The following VPS13B variants were observed in gnomAD, a reference collection of about 807,000 sequenced individuals.
VPS13B encodes the protein intermembrane lipid transfer protein VPS13B.
In VPS13B, 285 loss-of-function variants were observed where a neutral mutation model predicts 426.4. The ratio of observed to expected loss-of-function variants is 0.67; its 90% CI spans 0.61 to 0.74. The LOEUF is 0.74. Among genes scored for constraint, VPS13B ranks in the 30% least tolerant of loss-of-function variants. The probability of loss-of-function intolerance (pLI) is 0.00; values close to 1 mark genes in which losing one functional copy is unlikely to be tolerated. For synonymous variants in VPS13B, 1,676 were observed against 1,676.4 expected, an observed-to-expected ratio of 1.00 and a Z score of 0.01; for missense variants, 4,537 against 4,782.6, an observed-to-expected ratio of 0.95 and a Z score of 1.51.
chr8:99,648,605 T>A (rs1208943514), intron 34 of VPS13B, among the ~76,000 whole-genome samples: 1 of 152,188 alleles, frequency 6.6e-6, no homozygotes, highest in Admixed American at 6.5e-5. Flanking sequence ...TATTTAGAGG[T>A]AATATTTCAT....
intron 23 of VPS13B, among the ~76,000 whole-genome samples, chr8:99,443,837 G>C (rs1817788885): frequency 6.6e-6 from 1 of 152,080 alleles, no homozygotes. Context: ...ATATGCTGAG[G>C]AGTAAAATTG....
intron 3 of VPS13B, among the ~76,000 whole-genome samples, chr8:99,066,512 TA>T (rs1196718941): frequency 6.6e-6 from 1 of 152,184 alleles, no homozygotes; most frequent in Non-Finnish European, 1.5e-5. Flanking sequence ...CAAGATGGAT[TA>T]AAGACTTTAA....
chr8:99,019,535 A>G (rs1448997293), intron 2 of VPS13B, among the ~76,000 whole-genome samples: 2 of 152,128 alleles, frequency 1.3e-5, no homozygotes, highest in Admixed American at 1.3e-4. Flanking sequence ...ATTCTGTGGT[A>G]TTACGTATGT....
chr8:99,249,315 C>T (rs551628167), intron 17 of VPS13B, among the ~76,000 whole-genome samples: 22 of 151,876 alleles, frequency 1.4e-4, no homozygotes, highest in Admixed American at 2.6e-4. Context: ...TTGGCTATTA[C>T]GATAAAGCTG....
At chr8:99,059,007 C>T (rs1173761740) in intron 3 of VPS13B, among the ~76,000 whole-genome samples, 3 of 152,212 alleles carry the variant, frequency 2.0e-5, no homozygotes, top group South Asian at 2.1e-4. Flanking sequence ...CATTTTAGTA[C>T]TTATTTCCTT....
chr8:99,698,031 G>T, intron 35 of VPS13B: 1 of 363,208 alleles, frequency 2.8e-6, no homozygotes. Flanking sequence ...TGCTGGCCTA[G>T]CCACCTGTCC....
At chr8:99,083,726 TG>T (rs1289739229) in intron 3 of VPS13B, among the ~76,000 whole-genome samples, 3 of 129,662 alleles carry the variant, frequency 2.3e-5, no homozygotes, top group Non-Finnish European at 4.8e-5. Context: ...ATATGGTTTT[TG>T]TCGTTGGTTC....
At chr8:99,649,587 C>T (rs1829722281) in intron 34 of VPS13B, among the ~76,000 whole-genome samples, 1 of 151,500 alleles carries the variant, frequency 6.6e-6, no homozygotes, top group African/African-American at 2.4e-5. Flanking sequence ...GTCTTAAATG[C>T]CTGTGTCACT....
Position 99,812,891 on chromosome 8 carries a change from A to G in VPS13B, c.8097+3361A>G, listed in dbSNP as rs147340352. Among the ~76,000 whole-genome samples the G allele has an allele frequency of 5.9e-5, 9 of 152,322 alleles. No individual in the cohort carries two copies. The East Asian group carries it at 9.6e-4, about 16-fold the overall frequency. The stretch of plus-strand genomic sequence containing the variant: ...GTTCTGAAACCTGCTAAGTAAAATC[A>G]TATGTGGAAATCTTCAATACACATC... On this transcript the variant is annotated intron_variant, in intron 44 of 61. Transcript: ENST00000357162.
At chr8:99,198,076 A>G (rs1249533406) in intron 17 of VPS13B, among the ~76,000 whole-genome samples, 1 of 152,128 alleles carries the variant, frequency 6.6e-6, no homozygotes, top group East Asian at 1.9e-4. Flanking sequence ...TTTTATCTTC[A>G]AAAAACGTTT....
At chr8:99,740,724 A>C (rs993280792) in intron 39 of VPS13B, among the ~76,000 whole-genome samples, 4 of 152,192 alleles carry the variant, frequency 2.6e-5, no homozygotes, top group African/African-American at 9.7e-5. Flanking sequence ...AGCCAAACTA[A>C]GCTTCATAAG....
intron 39 of VPS13B, among the ~76,000 whole-genome samples, chr8:99,744,470 G>A (rs1323015940): frequency 1.3e-5 from 2 of 152,136 alleles, no homozygotes; most frequent in African/African-American, 4.8e-5. Context: ...CCGTTACTGG[G>A]TATATACCCA....
At chr8:99,562,680 T>G (rs1824992062) in intron 31 of VPS13B, among the ~76,000 whole-genome samples, 1 of 152,216 alleles carries the variant, frequency 6.6e-6, no homozygotes, top group South Asian at 2.1e-4. Context: ...ATATATGATT[T>G]AGAAATTTTT....
intron 17 of VPS13B, among the ~76,000 whole-genome samples, chr8:99,201,077 A>C (rs953766901): frequency 5.3e-5 from 8 of 151,708 alleles, no homozygotes; most frequent in Non-Finnish European, 1.0e-4. Context: ...ATTTTCTATG[A>C]CACTATAATT....
chr8:99,870,884 T>G lies in VPS13B; in HGVS notation c.11492T>G (p.Val3831Gly). The G allele has an allele frequency of 4.3e-6, 7 of 1,613,916 alleles. No individual in the cohort carries two copies. Among genetic ancestry groups the G allele is most frequent in the Non-Finnish European group, 5.9e-6 (7 of 1,179,806 alleles). The change falls in exon 60 of 62, where the codon GTC (valine) becomes GGC (glycine). Residue 3831 changes from valine to glycine, a missense_variant. By Grantham distance (109) the Val-to-Gly change is moderately radical (BLOSUM62 -3). Transcript: ENST00000357162. Reference sequence around the variant, plus strand: ...GCTCCAAACAGCCATGTCAAATATGTCTGGTAAAATTATTGAGATACGTGC... The same window carrying G: ...GCTCCAAACAGCCATGTCAAATATGGCTGGTAAAATTATTGAGATACGTGC... Reference protein sequence around the residue: ...DQAPNSHVKYVWKMLQSLGRP... With the variant: ...DQAPNSHVKYGWKMLQSLGRP...
At chr8:99,616,187 GAGA>G (rs1373033868) in intron 33 of VPS13B, among the ~76,000 whole-genome samples, 1 of 152,128 alleles carries the variant, frequency 6.6e-6, no homozygotes, top group Non-Finnish European at 1.5e-5. Context: ...CAGGGAGAGG[GAGA>G]AGAAGAGCCT....
At chr8:99,671,444 G>A (rs1830713172) in intron 35 of VPS13B, among the ~76,000 whole-genome samples, 1 of 151,930 alleles carries the variant, frequency 6.6e-6, no homozygotes, top group South Asian at 2.1e-4. Flanking sequence ...TCATACTATT[G>A]GTTGTTTTCT....
chr8:99,430,238 A>G (rs1817016452), intron 21 of VPS13B, among the ~76,000 whole-genome samples: 1 of 152,174 alleles, frequency 6.6e-6, no homozygotes, highest in Non-Finnish European at 1.5e-5. Flanking sequence ...CAATGCTCAT[A>G]TATTAACCAA....
intron 54 of VPS13B, among the ~76,000 whole-genome samples, chr8:99,846,773 A>G (rs1402117201): frequency 6.6e-6 from 1 of 152,206 alleles, no homozygotes; most frequent in Non-Finnish European, 1.5e-5. Flanking sequence ...ACCTTACCTT[A>G]GGTTTATTAT....
Sources: gnomAD v4.1 joint callset for allele counts (sites outside exome capture counted in the v4.1 genomes callset) on GRCh38, gnomAD v4.1.1 for gene constraint, MANE v1.5 for transcripts, NCBI Gene and HGNC (gene_info 2026-07-23, HGNC 2026-07-21) for gene names.